The following UBXN7 variants were observed in gnomAD, a reference collection of about 807,000 sequenced individuals.
The protein encoded by UBXN7 is UBX domain-containing protein 7.
In UBXN7, 9 loss-of-function variants were observed where a neutral mutation model predicts 58.0. The ratio of observed to expected loss-of-function variants is 0.16; its 90% CI spans 0.09 to 0.27. The LOEUF is 0.27. Ranked by LOEUF, UBXN7 falls within the 10% of genes least tolerant of loss-of-function variation. The pLI is 1.00. For synonymous variants in UBXN7, 208 were observed against 205.0 expected (o/e 1.01, Z -0.12); for missense variants, 328 against 599.6 (o/e 0.55, Z 4.73).
At position 196,377,041 on chromosome 3, in the gene UBXN7, G is replaced by A. The variant is rs374882022; in HGVS notation, c.469-4999C>T. 1.8e-4 allele frequency among the ~76,000 whole-genome samples: 25 copies of A among 138,580 alleles called. 1 individual carries two copies. The South Asian group carries it at 5.7e-3, about 32-fold the overall frequency. 90.9% of individuals were successfully genotyped at this position (138,580 alleles called of 152,430 possible). On this transcript the variant is annotated intron_variant, in intron 5 of 10. Coordinates refer to ENST00000296328, the MANE Select transcript of UBXN7 (RefSeq NM_015562.2). ...AGCCTGGGTGACAGAGTGAGACTCTGTCTCAAAAAAAAAAAAAAAAAGGAA... is the reference window on the plus strand; with the variant it reads ...AGCCTGGGTGACAGAGTGAGACTCTATCTCAAAAAAAAAAAAAAAAAGGAA...
Position 196,356,629 on chromosome 3 carries a change from G to C in UBXN7, c.*56C>G. 2 of 1,537,764 alleles carry C rather than the reference G, an allele frequency of 1.3e-6. No homozygotes were observed. The highest frequency in any genetic ancestry group is 1.7e-6 in the Non-Finnish European group (2 of 1,149,320). ...AGCCAAAATGCATACTTAGTGACATGTATCTCACAGGAAAAGGGAAAAAAG... is the reference window on the plus strand; with the variant it reads ...AGCCAAAATGCATACTTAGTGACATCTATCTCACAGGAAAAGGGAAAAAAG... On this transcript the variant is annotated 3_prime_UTR_variant, in exon 11 of 11. Coordinates refer to ENST00000296328, the MANE Select transcript of UBXN7 (RefSeq NM_015562.2).
intron 5 of UBXN7, among the ~76,000 whole-genome samples, chr3:196,376,740 T>C (rs971550050): frequency 2.0e-5 from 3 of 151,988 alleles, no homozygotes; most frequent in African/African-American, 4.8e-5. Flanking sequence ...GTGGGTTTTT[T>C]TTCCTCATGA....
intron 6 of UBXN7, among the ~76,000 whole-genome samples, chr3:196,369,719 T>C (rs758522173): frequency 1.2e-4 from 19 of 152,196 alleles, no homozygotes; most frequent in Non-Finnish European, 2.4e-4. Context: ...ACCATAAACA[T>C]ATTGACCCAT....
At chr3:196,431,865 AGGCCGGGGACCGGGGCAGAATGACCT>A in intron 1 of UBXN7, 1 of 370,290 alleles carries the variant, frequency 2.7e-6, no homozygotes, top group Admixed American at 3.5e-5. Context: ...GGGGAAGGGC[AGGCCGGGGACCGGGGCAGAATGACCT>A]GGCCGGGGAA....
intron 3 of UBXN7, among the ~76,000 whole-genome samples, chr3:196,399,192 TCCTATTTCAAAC>T (rs1413203134): frequency 1.3e-5 from 2 of 152,224 alleles, no homozygotes; most frequent in Non-Finnish European, 2.9e-5. Context: ...TGTGCATACA[TCCTATTTCAAAC>T]AATATTTTAA....
intron 2 of UBXN7, among the ~76,000 whole-genome samples, chr3:196,403,429 T>C (rs1225665857): frequency 1.3e-5 from 2 of 152,200 alleles, no homozygotes; most frequent in Non-Finnish European, 2.9e-5. Context: ...TCCAAAGTGC[T>C]AGGATTACAG....
chr3:196,350,497 A>T lies in UBXN7; in HGVS notation c.*6188T>A, dbSNP rs1450098370. The T allele has an allele frequency of 6.8e-6, 1 of 147,340 alleles. No individual in the cohort carries two copies. The highest frequency in any genetic ancestry group is 2.5e-5 in the African/African-American group (1 of 40,108). 9.1% of individuals were successfully genotyped at this position (147,340 alleles called of 1,614,324 possible). A position where few individuals can be genotyped will look rare whatever the true frequency, so the allele number is the denominator to read the frequency against. On this transcript the variant is annotated 3_prime_UTR_variant, in exon 11 of 11. Coordinates refer to ENST00000296328, the MANE Select transcript of UBXN7 (RefSeq NM_015562.2). Reference sequence around the variant, plus strand: ...GAATTTCTTAAACATAGCCAATTACACTAAAAATCATAACTATTTTCAGAG... The same window carrying T: ...GAATTTCTTAAACATAGCCAATTACTCTAAAAATCATAACTATTTTCAGAG...
chr3:196,371,008 A>G, intron 6 of UBXN7, among the ~76,000 whole-genome samples: 1 of 152,134 alleles, frequency 6.6e-6, no homozygotes, highest in East Asian at 1.9e-4. Context: ...TGGGTGACAG[A>G]GCAAAACCCT....
At chr3:196,426,385 C>CAAA (rs58979892) in intron 1 of UBXN7, among the ~76,000 whole-genome samples, 5 of 114,142 alleles carry the variant, frequency 4.4e-5, no homozygotes, top group South Asian at 5.9e-4. Context: ...GACTTCGTCT[C>CAAA]AAAAAAAAAA....
chr3:196,389,865 G>A (rs1285094632), intron 5 of UBXN7, among the ~76,000 whole-genome samples: 2 of 151,898 alleles, frequency 1.3e-5, no homozygotes, highest in Admixed American at 6.6e-5. Flanking sequence ...GTATATCAAA[G>A]GACACATTTA....
intron 1 of UBXN7, among the ~76,000 whole-genome samples, chr3:196,415,717 G>A (rs1730460814): frequency 6.6e-6 from 1 of 151,812 alleles, no homozygotes; most frequent in Admixed American, 6.6e-5. Context: ...GGGAGTCAAA[G>A]GTTGCAGTGA....
At chr3:196,397,511 G>T in intron 3 of UBXN7, 1 of 152,456 alleles carries the variant, frequency 6.6e-6, no homozygotes, top group South Asian at 2.0e-4. Context: ...TGTTTTAAAA[G>T]ATGGGGGTCT....
chr3:196,366,469 T>C (rs1728669417), intron 8 of UBXN7, among the ~76,000 whole-genome samples: 1 of 151,984 alleles, frequency 6.6e-6, no homozygotes, highest in Non-Finnish European at 1.5e-5. Context: ...AGTTTTTTTT[T>C]TTTTTAAAGT....
intron 5 of UBXN7, among the ~76,000 whole-genome samples, chr3:196,382,837 C>T (rs1441587489): frequency 2.0e-5 from 3 of 151,936 alleles, no homozygotes; most frequent in Non-Finnish European, 4.4e-5. Flanking sequence ...AGGGGTTGGC[C>T]GGGCACAATG....
chr3:196,384,342 C>T (rs1324169035), intron 5 of UBXN7, among the ~76,000 whole-genome samples: 7 of 152,296 alleles, frequency 4.6e-5, no homozygotes, highest in East Asian at 1.9e-4. Flanking sequence ...CAGGACCAGA[C>T]GGATTCACAG....
At chr3:196,395,181 A>G (rs1729731502) in intron 3 of UBXN7, among the ~76,000 whole-genome samples, 2 of 152,236 alleles carry the variant, frequency 1.3e-5, no homozygotes, top group African/African-American at 4.8e-5. Flanking sequence ...TTAGACAGAG[A>G]CTACAGAATC....
At chr3:196,423,789 C>T (rs1490398085) in intron 1 of UBXN7, among the ~76,000 whole-genome samples, 1 of 152,008 alleles carries the variant, frequency 6.6e-6, no homozygotes, top group Non-Finnish European at 1.5e-5. Context: ...GATTCTGAAG[C>T]ACCACAGGGA....
intron 1 of UBXN7, among the ~76,000 whole-genome samples, chr3:196,421,392 G>A (rs770270502): frequency 4.6e-5 from 7 of 152,128 alleles, no homozygotes; most frequent in Admixed American, 6.5e-5. Context: ...AAATTCCAGT[G>A]GAAGCATTCA....
chr3:196,390,270 G>A (rs140650669), intron 5 of UBXN7, among the ~76,000 whole-genome samples: 2,017 of 151,808 alleles, frequency 0.013, 20 homozygotes, highest in Non-Finnish European at 0.022. Flanking sequence ...ATGTTGCCCA[G>A]GCTGGAGTGC....
Sources: allele counts gnomAD v4.1 joint callset (sites outside exome capture counted in the v4.1 genomes callset), GRCh38; gene constraint gnomAD v4.1.1; transcripts MANE v1.5; gene names NCBI Gene and HGNC (gene_info 2026-07-23, HGNC 2026-07-21).